The following RAPGEF4 variants were observed in gnomAD, a reference collection of about 807,000 sequenced individuals.
The protein encoded by RAPGEF4 is Rap guanine nucleotide exchange factor 4, also known as RAP guanine-nucleotide-exchange factor (GEF) 4.
A neutral mutation model predicts 147.9 loss-of-function variants in RAPGEF4; 66 were observed. The ratio of observed to expected loss-of-function variants is 0.45; its 90% CI spans 0.37 to 0.55. The LOEUF is 0.55. Ranked by LOEUF, RAPGEF4 falls within the 20% of genes least tolerant of loss-of-function variation. The probability of loss-of-function intolerance (pLI) is 0.00; values close to 1 mark genes in which losing one functional copy is unlikely to be tolerated. For synonymous variants in RAPGEF4, 419 were observed against 442.7 expected (o/e 0.95, Z 0.67); for missense variants, 1,071 against 1,257.3 (o/e 0.85, Z 2.24).
chr2:172,776,905 T>G (rs10189033), intron 1 of RAPGEF4, among the ~76,000 whole-genome samples: 15,920 of 152,260 alleles, frequency 0.1, 869 homozygotes, highest in Middle Eastern at 0.15. Flanking sequence ...TATTTCAACA[T>G]TTCTGTAATC....
chr2:172,962,896 G>A (rs1689444213), intron 8 of RAPGEF4, among the ~76,000 whole-genome samples: 1 of 152,076 alleles, frequency 6.6e-6, no homozygotes, highest in South Asian at 2.1e-4. Context: ...ACCTGTATTA[G>A]TCTGTTTTCA....
intron 10 of RAPGEF4, among the ~76,000 whole-genome samples, chr2:172,971,235 C>T (rs769229145): frequency 7.9e-5 from 12 of 152,286 alleles, no homozygotes; most frequent in African/African-American, 2.6e-4. Flanking sequence ...GGAGACAGGA[C>T]GCTCTGCTGT....
rs976291133 is a variant in RAPGEF4 at position 172,982,144 on chromosome 2, A to G, written c.1005-1352A>G. Among the ~76,000 whole-genome samples, 74 of 152,310 alleles carry G rather than the reference A, an allele frequency of 4.9e-4. No individual in the cohort carries two copies. In the Middle Eastern group the frequency reaches 0.01, roughly 21 times the overall value. ...TTTAAACTTGATTTTCAGACGCTAA[A>G]TCTAGCGCTGTGTTTAGTACACCAA... On this transcript the variant is annotated intron_variant, in intron 10 of 30. Transcript: ENST00000397081.
At chr2:172,893,976 T>G (rs1698206739) in intron 4 of RAPGEF4, 1 of 152,876 alleles carries the variant, frequency 6.5e-6, no homozygotes, top group African/African-American at 2.4e-5. Flanking sequence ...TGCCCAAATC[T>G]TTGGTAAAGA....
At chr2:172,780,592 C>T (rs181824084) in intron 1 of RAPGEF4, among the ~76,000 whole-genome samples, 11 of 151,992 alleles carry the variant, frequency 7.2e-5, no homozygotes, top group East Asian at 3.9e-4. Context: ...TTTTTGGTTC[C>T]GCTTCTCAGT....
At chr2:172,857,589 A>T (rs1272589742) in intron 4 of RAPGEF4, among the ~76,000 whole-genome samples, 1 of 152,206 alleles carries the variant, frequency 6.6e-6, no homozygotes, top group Admixed American at 6.5e-5. Flanking sequence ...GCCATCTTAC[A>T]TAGAAACTGG....
At chr2:172,939,350 A>G (rs1375826852) in intron 6 of RAPGEF4, among the ~76,000 whole-genome samples, 5 of 152,196 alleles carry the variant, frequency 3.3e-5, no homozygotes, top group Non-Finnish European at 5.9e-5. Context: ...AAGCCATTCT[A>G]ATAGATATGT....
At chr2:172,925,565 A>G (rs1476670162) in intron 6 of RAPGEF4, among the ~76,000 whole-genome samples, 1 of 134,370 alleles carries the variant, frequency 7.4e-6, no homozygotes, top group Non-Finnish European at 1.6e-5. Flanking sequence ...CGCAGCCAGG[A>G]CACATAGTGA....
intron 5 of RAPGEF4, among the ~76,000 whole-genome samples, chr2:172,920,169 A>G (rs1163168531): frequency 6.6e-6 from 1 of 152,212 alleles, no homozygotes; most frequent in Non-Finnish European, 1.5e-5. Context: ...ACTGATGTCA[A>G]TAGTTTAATA....
At chr2:172,773,085 A>AG (rs1683791205) in intron 1 of RAPGEF4, among the ~76,000 whole-genome samples, 1 of 152,118 alleles carries the variant, frequency 6.6e-6, no homozygotes, top group Non-Finnish European at 1.5e-5. Context: ...GTACATTTAC[A>AG]TTGGTTTTTA....
intron 21 of RAPGEF4, 135 bp downstream of exon 21, chr2:173,017,639 GC>G: frequency 1.3e-6 from 1 of 768,848 alleles, no homozygotes; most frequent in Non-Finnish European, 2.1e-6. Context: ...GCTTGGAGGT[GC>G]CCTTTGGTGG....
At chr2:172,961,254 T>C (rs576034702) in intron 8 of RAPGEF4, 26 bp downstream of exon 8, 56 of 1,493,924 alleles carry the variant, frequency 3.7e-5, no homozygotes, top group Non-Finnish European at 5.0e-5. Flanking sequence ...CTAAAGGCTG[T>C]GCCCCGCTCA....
chr2:172,737,027 C>T (rs1693845867), intron 1 of RAPGEF4, among the ~76,000 whole-genome samples: 1 of 152,186 alleles, frequency 6.6e-6, no homozygotes, highest in Admixed American at 6.5e-5. Flanking sequence ...AGATTCGTAA[C>T]CAGATCAAAC....
chr2:172,762,794 CT>C (rs1282495908), intron 1 of RAPGEF4, among the ~76,000 whole-genome samples: 2 of 152,170 alleles, frequency 1.3e-5, no homozygotes, highest in African/African-American at 4.8e-5. Context: ...TTACATGGAC[CT>C]GCTATCTTAG....
intron 29 of RAPGEF4, among the ~76,000 whole-genome samples, chr2:173,038,902 A>C (rs1684389762): frequency 6.6e-6 from 1 of 152,196 alleles, no homozygotes; most frequent in Admixed American, 6.5e-5. Context: ...TCCCATCCGT[A>C]ACCTGCAAGG....
At chr2:172,782,975 G>GGGCT (rs760190538) in intron 1 of RAPGEF4, among the ~76,000 whole-genome samples, 1 of 152,144 alleles carries the variant, frequency 6.6e-6, no homozygotes, top group Non-Finnish European at 1.5e-5. Flanking sequence ...TTTTGAAAAG[G>GGGCT]GGCTGTTAAA....
At chr2:172,869,975 A>G (rs1401655465) in intron 4 of RAPGEF4, among the ~76,000 whole-genome samples, 1 of 152,058 alleles carries the variant, frequency 6.6e-6, no homozygotes, top group Non-Finnish European at 1.5e-5. Context: ...GGTGAACTCC[A>G]CTCCCGGGGA....
chr2:173,011,177 C>CACACACAG (rs1694991747), intron 17 of RAPGEF4, among the ~76,000 whole-genome samples: 1 of 149,474 alleles, frequency 6.7e-6, no homozygotes, highest in Non-Finnish European at 1.5e-5. Context: ...CGCGCACACA[C>CACACACAG]ACACACACAC....
chr2:172,974,961 A>G lies in RAPGEF4; in HGVS notation c.1004+7517A>G, dbSNP rs528514577. Among the ~76,000 whole-genome samples the G allele has an allele frequency of 1.8e-4, 27 of 152,306 alleles. No homozygotes were observed. The South Asian group carries it at 4.1e-3, about 23-fold the overall frequency. On this transcript the variant is annotated intron_variant, in intron 10 of 30. Coordinates refer to ENST00000397081, the MANE Select transcript of RAPGEF4 (RefSeq NM_007023.4). ...AGAATCCAACGGGCCATATGGGTCT[A>G]AAGTTTTACAATCCATTGTCAAACT...
Sources: allele counts gnomAD v4.1 joint callset (sites outside exome capture counted in the v4.1 genomes callset), GRCh38; gene constraint gnomAD v4.1.1; transcripts MANE v1.5; gene names NCBI Gene and HGNC (gene_info 2026-07-23, HGNC 2026-07-21).